Variants in ELP4 observed in about 807,000 individuals in gnomAD.
ELP4 encodes the protein elongator complex protein 4.
Under a neutral mutation model 48.9 loss-of-function variants are expected in ELP4, and 51 were observed. The observed-to-expected ratio is 1.04, with a 90% CI of 0.83 to 1.32. ELP4 has a LOEUF of 1.32. ELP4 is among the 40% of genes most tolerant of loss of function. The pLI is 0.00. For synonymous variants in ELP4, 210 were observed against 189.2 expected, an observed-to-expected ratio of 1.11 and a Z score of -0.90; for missense variants, 519 against 514.6, an observed-to-expected ratio of 1.01 and a Z score of -0.08.
At chr11:31,631,053 T>C (rs7928967) in intron 6 of ELP4, among the ~76,000 whole-genome samples, 92,229 of 152,088 alleles carry the variant, frequency 0.61, 31,735 homozygotes, top group Non-Finnish European at 0.76. Flanking sequence ...TAATTCTCTC[T>C]TATTCATTTA....
At chr11:31,751,366 A>G (rs1256322229) in intron 9 of ELP4, among the ~76,000 whole-genome samples, 1 of 152,202 alleles carries the variant, frequency 6.6e-6, no homozygotes, top group Non-Finnish European at 1.5e-5. Flanking sequence ...TCGAGCCCTC[A>G]TCAACCATGT....
At chr11:31,675,205 G>A (rs1456045883) in intron 9 of ELP4, among the ~76,000 whole-genome samples, 3 of 152,094 alleles carry the variant, frequency 2.0e-5, no homozygotes, top group Admixed American at 1.3e-4. Context: ...AGATTGAATG[G>A]GCAGAATTGT....
chr11:31,525,983 A>G (rs895156805), intron 2 of ELP4, among the ~76,000 whole-genome samples: 5 of 152,102 alleles, frequency 3.3e-5, no homozygotes, highest in Admixed American at 2.0e-4. Flanking sequence ...TTTGCCCTCT[A>G]TAACACCTAT....
intron 3 of ELP4, among the ~76,000 whole-genome samples, chr11:31,576,182 A>G (rs1350559729): frequency 6.6e-6 from 1 of 152,232 alleles, no homozygotes; most frequent in Non-Finnish European, 1.5e-5. Context: ...CAAAGATCAG[A>G]AGAGACAAAG....
intron 3 of ELP4, among the ~76,000 whole-genome samples, chr11:31,548,659 A>G (rs1243156434): frequency 6.6e-6 from 1 of 152,184 alleles, no homozygotes; most frequent in Non-Finnish European, 1.5e-5. Flanking sequence ...TGGAACCAAA[A>G]AAGAGCCCGC....
intron 9 of ELP4, among the ~76,000 whole-genome samples, chr11:31,738,817 G>A (rs561427671): frequency 6.6e-6 from 1 of 152,020 alleles, no homozygotes; most frequent in Non-Finnish European, 1.5e-5. Context: ...AAATAAGCCA[G>A]TCACAGAAAG....
At chr11:31,540,272 A>C (rs1041939629) in intron 3 of ELP4, among the ~76,000 whole-genome samples, 7 of 152,264 alleles carry the variant, frequency 4.6e-5, no homozygotes, top group African/African-American at 1.4e-4. Context: ...CCTTAAAAGA[A>C]ACTTGAAATT....
chr11:31,558,759 CAATTT>C (rs1232984510), intron 3 of ELP4, among the ~76,000 whole-genome samples: 2 of 152,024 alleles, frequency 1.3e-5, no homozygotes, highest in Non-Finnish European at 2.9e-5. Flanking sequence ...TTTAGTCCTC[CAATTT>C]AATTTAAGAA....
intron 9 of ELP4, among the ~76,000 whole-genome samples, chr11:31,746,768 T>G (rs1349002490): frequency 6.6e-6 from 1 of 151,950 alleles, no homozygotes; most frequent in Non-Finnish European, 1.5e-5. Context: ...GGGATAGCAT[T>G]AGGAGATATA....
At chr11:31,538,793 A>T (rs144196990) in intron 2 of ELP4, among the ~76,000 whole-genome samples, 12 of 152,174 alleles carry the variant, frequency 7.9e-5, no homozygotes, top group African/African-American at 2.9e-4. Flanking sequence ...TTTCTGTTGT[A>T]TCTTGTTCTA....
At chr11:31,631,304 C>A (rs1346421289) in intron 6 of ELP4, among the ~76,000 whole-genome samples, 1 of 152,116 alleles carries the variant, frequency 6.6e-6, no homozygotes, top group African/African-American at 2.4e-5. Context: ...CATCAGAAAT[C>A]ACTTGTAGAG....
chr11:31,711,525 A>G (rs1488811783), intron 9 of ELP4, among the ~76,000 whole-genome samples: 1 of 152,214 alleles, frequency 6.6e-6, no homozygotes, highest in Non-Finnish European at 1.5e-5. Context: ...ATGCCACCTT[A>G]AAACTAATTT....
intron 4 of ELP4, chr11:31,600,345 T>C (rs757994491): frequency 3.9e-5 from 6 of 152,128 alleles, no homozygotes; most frequent in Non-Finnish European, 7.4e-5. Context: ...GACTTAATTT[T>C]CTCAGTATTG....
chr11:31,747,261 A>G (rs535069042), intron 9 of ELP4, among the ~76,000 whole-genome samples: 23 of 152,328 alleles, frequency 1.5e-4, no homozygotes, highest in Admixed American at 6.5e-4. Flanking sequence ...TTAATATGAC[A>G]TTAGAGAGTA....
chr11:31,559,511 A>T (rs966774047), intron 3 of ELP4, among the ~76,000 whole-genome samples: 3 of 152,220 alleles, frequency 2.0e-5, no homozygotes, highest in Non-Finnish European at 4.4e-5. Context: ...ATTCTTTTTA[A>T]AACAAAGTAT....
At chr11:31,518,458 T>C (rs1405866939) in intron 1 of ELP4, among the ~76,000 whole-genome samples, 5 of 151,974 alleles carry the variant, frequency 3.3e-5, no homozygotes, top group African/African-American at 1.2e-4. Flanking sequence ...GAATTATATA[T>C]TTCACATATT....
At position 31,736,873 on chromosome 11, in the gene ELP4, T is replaced by C. The variant is rs534322277; in HGVS notation, c.1144-46520T>C. Reference sequence around the variant, plus strand: ...AATACTTTTACACTGTTGGTGGGACTGTAAACTAGTTCAACCATTGTGGAA... The same window carrying C: ...AATACTTTTACACTGTTGGTGGGACCGTAAACTAGTTCAACCATTGTGGAA... On this transcript the variant is annotated intron_variant, in intron 9 of 9. Transcript: ENST00000640961. Among the ~76,000 whole-genome samples the C allele has an allele frequency of 1.6e-4, 25 of 152,368 alleles. 1 individual carries two copies. In the South Asian group the frequency reaches 5.0e-3, roughly 30 times the overall value.
At chr11:31,686,688 G>A (rs1946168977) in intron 9 of ELP4, among the ~76,000 whole-genome samples, 1 of 151,936 alleles carries the variant, frequency 6.6e-6, no homozygotes, top group South Asian at 2.1e-4. Context: ...GACCAGCCTG[G>A]GCAACATGGT....
chr11:31,679,347 GC>G (rs1273219663), intron 9 of ELP4, among the ~76,000 whole-genome samples: 2 of 152,126 alleles, frequency 1.3e-5, no homozygotes, highest in African/African-American at 4.8e-5. Flanking sequence ...GTTTGCTAGT[GC>G]AACCACAATA....
Sources: allele counts gnomAD v4.1 joint callset (sites outside exome capture counted in the v4.1 genomes callset), GRCh38; gene constraint gnomAD v4.1.1; transcripts MANE v1.5; gene names NCBI Gene and HGNC (gene_info 2026-07-23, HGNC 2026-07-21).